ARCN1: variants seen among roughly 807,000 people sequenced by gnomAD.
ARCN1 encodes the protein archain 1 coat protein complex I subunit delta, also known as coatomer subunit delta.
A neutral mutation model predicts 60.4 loss-of-function variants in ARCN1; 5 were observed. The ratio of observed to expected loss-of-function variants is 0.08; its 90% confidence interval spans 0.04 to 0.17. The LOEUF is 0.17. ARCN1 is among the 10% of genes least tolerant of loss of function. The probability of loss-of-function intolerance (pLI) is 1.00; values close to 1 mark genes in which losing one functional copy is unlikely to be tolerated. For synonymous variants in ARCN1, 224 were observed against 220.0 expected (o/e 1.02, Z -0.16); for missense variants, 464 against 626.5 (o/e 0.74, Z 2.77).
At chr11:118,578,870 CTCTCTTTTT>C (rs1938583808) in intron 1 of ARCN1, among the ~76,000 whole-genome samples, 1 of 86,962 alleles carries the variant, frequency 1.1e-5, no homozygotes. Flanking sequence ...AAAACCCCGT[CTCTCTTTTT>C]TTTTTTTTTT....
chr11:118,582,753 G>T (rs1938688732), intron 2 of ARCN1, among the ~76,000 whole-genome samples: 1 of 146,444 alleles, frequency 6.8e-6, no homozygotes, highest in Non-Finnish European at 1.5e-5. Flanking sequence ...AAAAATCAGG[G>T]AGTTAGGCTG....
chr11:118,592,630 T>C, intron 6 of ARCN1, 79 bp from the exon 7 acceptor site: 1 of 1,115,278 alleles, frequency 9.0e-7, no homozygotes, highest in Non-Finnish European at 1.3e-6. Context: ...ATGTTTAGAT[T>C]GTGGGCCATA....
rs781956847 is a variant in ARCN1, at chr11:118,597,853, A to G, written c.1388A>G (p.Asn463Ser). Residue 463 changes from asparagine (N) to serine (S), a missense_variant, in exon 9 of 10, where the codon AAT (asparagine) becomes AGT (serine). Physicochemically the swap from Asn to Ser is conservative, Grantham distance 46 (BLOSUM62 1). Coordinates refer to ENST00000264028, the MANE Select transcript of ARCN1 (RefSeq NM_001655.5). ...SLEFSIAGQP[N>S]DFFPVQVSFV... ...GAGTTTAGCATTGCTGGGCAGCCCA[A>G]TGACTTCTTCCCTGTTCAAGTTTCC... 44 of 1,614,092 alleles carry G rather than the reference A, an allele frequency of 2.7e-5. No homozygotes were observed. In the Middle Eastern group the frequency reaches 4.9e-4, roughly 18 times the overall value.
chr11:118,579,553 T>C (rs1172147165), intron 1 of ARCN1, among the ~76,000 whole-genome samples: 1 of 150,076 alleles, frequency 6.7e-6, no homozygotes, highest in Admixed American at 6.6e-5. Context: ...CCGGGCGTGG[T>C]GGCAGGCGCC....
Position 118,583,279 on chromosome 11 carries a change from A to G in ARCN1, c.368A>G (p.Glu123Gly). The change falls in exon 3 of 10, where the codon GAG (glutamate) becomes GGG (glycine). Residue 123 changes from glutamate (E) to glycine (G), a missense_variant. Physicochemically the swap from Glu to Gly is moderately conservative, Grantham distance 98 (BLOSUM62 -2). Transcript: ENST00000264028. ...FDEIVALGYRENVNLAQIRTF... is the reference protein window; with the variant it reads ...FDEIVALGYRGNVNLAQIRTF... ...GAAATTGTCGCACTGGGATACCGGG[A>G]GAATGTTAACTTGGCACAGATCAGA... The G allele has an allele frequency of 2.5e-6, 4 of 1,614,182 alleles. No individual in the cohort carries two copies. The highest frequency in any genetic ancestry group is 3.4e-6 in the Non-Finnish European group (4 of 1,180,034).
intron 2 of ARCN1, among the ~76,000 whole-genome samples, chr11:118,581,909 T>C (rs1555074687): frequency 7.4e-6 from 1 of 135,634 alleles, no homozygotes; most frequent in South Asian, 2.8e-4. Flanking sequence ...AGGTAAGACT[T>C]ACTGATCCAG....
In ARCN1 at chr11:118,602,551, T is replaced by C. The variant is rs1306390193; in HGVS notation, c.*1837T>C. ...TTGAAGCAGAGCACTCACACATAAATGGCTGTGTGTGGAATTGCTTGCCAA... is the reference window on the plus strand; with the variant it reads ...TTGAAGCAGAGCACTCACACATAAACGGCTGTGTGTGGAATTGCTTGCCAA... On this transcript the variant is annotated 3_prime_UTR_variant, in exon 10 of 10. Coordinates refer to ENST00000264028, the MANE Select transcript of ARCN1 (RefSeq NM_001655.5). The C allele has an allele frequency of 6.5e-6, 1 of 153,800 alleles. No individual in the cohort carries two copies. The highest frequency in any genetic ancestry group is 1.5e-5 in the Non-Finnish European group (1 of 68,044). 9.5% of individuals were successfully genotyped at this position (153,800 alleles called of 1,614,324 possible).
At chr11:118,575,789 C>T (rs2135530836) in intron 1 of ARCN1, among the ~76,000 whole-genome samples, 1 of 152,236 alleles carries the variant, frequency 6.6e-6, no homozygotes, top group African/African-American at 2.4e-5. Context: ...GAGAGTTGTG[C>T]ATATTTATCC....
chr11:118,583,348 C>T lies in ARCN1; in HGVS notation c.437C>T (p.Ala146Val). Reference sequence around the variant, plus strand: ...TCTCATGAGGAGAAGGTGTTCAGAGCCGTCAGAGAGGTAAATAGGATCTTC... The same window carrying T: ...TCTCATGAGGAGAAGGTGTTCAGAGTCGTCAGAGAGGTAAATAGGATCTTC... ...MDSHEEKVFR[A>V]VRETQEREAK... The change falls in exon 3 of 10, where the codon GCC (alanine) becomes GTC (valine). Residue 146 changes from alanine to valine, a missense_variant. Ala to Val is a moderately conservative substitution (Grantham distance 64). Coordinates refer to ENST00000264028, the MANE Select transcript of ARCN1 (RefSeq NM_001655.5). The T allele has an allele frequency of 6.2e-7, 1 of 1,610,284 alleles. No individual in the cohort carries two copies. The highest frequency in any genetic ancestry group is 8.5e-7 in the Non-Finnish European group (1 of 1,178,090).
At chr11:118,584,440 A>G in intron 4 of ARCN1, 40 bp from the exon 5 acceptor site, 1 of 1,572,340 alleles carries the variant, frequency 6.4e-7, no homozygotes, top group Non-Finnish European at 8.6e-7. Flanking sequence ...GCTTGTAAAA[A>G]TAAACCTTTG....
rs200665334 is a variant in ARCN1, at chr11:118,587,490, T to TA, written c.818+2847dup. On this transcript the variant is annotated intron_variant, in intron 5 of 9. Transcript: ENST00000264028. ...ATCTCCTTATTTGAAACTGCAGAGA[T>TA]ATGACATCTAAATGCGCAATACCTT... Among the ~76,000 whole-genome samples, 1,044 of 152,356 alleles carry TA rather than the reference T, an allele frequency of 6.9e-3. 11 individuals are homozygous for TA. Among genetic ancestry groups the TA allele is most frequent in the African/African-American group, 0.022 (934 of 41,584 alleles).
chr11:118,588,337 G>A (rs1338668040), intron 5 of ARCN1, among the ~76,000 whole-genome samples: 1 of 152,172 alleles, frequency 6.6e-6, no homozygotes, highest in African/African-American at 2.4e-5. Context: ...AGGAGGGCAG[G>A]AGAAGGTCAA....
intron 1 of ARCN1, chr11:118,573,640 G>A (rs1555072880): frequency 1.4e-6 from 1 of 700,760 alleles, no homozygotes; most frequent in South Asian, 1.5e-5. Flanking sequence ...TTAAAACATC[G>A]TCCAGTGTAC....
chr11:118,585,895 T>C (rs568121912), intron 5 of ARCN1, among the ~76,000 whole-genome samples: 2 of 152,306 alleles, frequency 1.3e-5, no homozygotes, highest in African/African-American at 4.8e-5. Context: ...TCATCTCTTA[T>C]CTCAGGGCTG....
chr11:118,578,476 T>G (rs1446731358), intron 1 of ARCN1, among the ~76,000 whole-genome samples: 2 of 152,170 alleles, frequency 1.3e-5, no homozygotes, highest in African/African-American at 4.8e-5. Context: ...TTTGTCTTAT[T>G]TCTTCAAAAC....
intron 5 of ARCN1, among the ~76,000 whole-genome samples, chr11:118,588,715 G>A (rs1555075823): frequency 1.4e-5 from 2 of 148,020 alleles, no homozygotes; most frequent in East Asian, 4.0e-4. Flanking sequence ...AGCAAGATCT[G>A]TCTCTTAAAC....
chr11:118,579,577 A>G (rs1938604560), intron 1 of ARCN1, among the ~76,000 whole-genome samples: 1 of 151,184 alleles, frequency 6.6e-6, no homozygotes, highest in Non-Finnish European at 1.5e-5. Flanking sequence ...AATCCCAGCT[A>G]CTCGGGAGGC....
Position 118,572,612 on chromosome 11 carries a change from CGGGCCT to C in ARCN1, c.3+66_3+71del, listed in dbSNP as rs544014864. 9 of 1,577,658 alleles carry C rather than the reference CGGGCCT, an allele frequency of 5.7e-6. No homozygotes were observed. In the African/African-American group the frequency reaches 1.2e-4, roughly 21 times the overall value. On this transcript the variant is annotated intron_variant, in intron 1 of 9. Coordinates refer to ENST00000264028, the MANE Select transcript of ARCN1 (RefSeq NM_001655.5). The stretch of plus-strand genomic sequence containing the variant: ...GAGCCTCACCGTCTCTCCTTGTCGG[CGGGCCT>C]GGGGCAGGGGCCGGAGGAGCCCCGC...
At chr11:118,581,964 A>ACACACACACACACACACG (rs1938664409) in intron 2 of ARCN1, among the ~76,000 whole-genome samples, 1 of 150,518 alleles carries the variant, frequency 6.6e-6, no homozygotes, top group Non-Finnish European at 1.5e-5. Flanking sequence ...ACACACACAC[A>ACACACACACACACACACG]CACCTTTTAA....
Sources: allele counts gnomAD v4.1 joint callset (sites outside exome capture counted in the v4.1 genomes callset), GRCh38; gene constraint gnomAD v4.1.1; transcripts MANE v1.5; gene names NCBI Gene and HGNC (gene_info 2026-07-23, HGNC 2026-07-21).